Variants in FGF12 observed in about 807,000 individuals in gnomAD.
The protein encoded by FGF12 is fibroblast growth factor 12B.
In FGF12, 14 loss-of-function variants were observed where a neutral mutation model predicts 23.6. That is an observed-to-expected ratio of 0.59 (90% CI 0.39 to 0.93). The LOEUF (loss-of-function observed/expected upper bound fraction) is 0.93. Ranked by LOEUF, FGF12 falls within the 40% of genes least tolerant of loss-of-function variation. The pLI is 0.00. For synonymous variants in FGF12, 62 were observed against 77.3 expected, an observed-to-expected ratio of 0.80 and a Z score of 1.04; for missense variants, 175 against 217.8, an observed-to-expected ratio of 0.80 and a Z score of 1.24.
intron 4 of FGF12, among the ~76,000 whole-genome samples, chr3:192,240,228 A>G (rs1719536955): frequency 6.6e-6 from 1 of 152,188 alleles, no homozygotes; most frequent in African/African-American, 2.4e-5. Context: ...GATAGATCCC[A>G]TATCTAATTA....
intron 2 of FGF12, among the ~76,000 whole-genome samples, chr3:192,550,333 C>T (rs939708362): frequency 1.3e-5 from 2 of 149,640 alleles, no homozygotes; most frequent in African/African-American, 2.4e-5. Context: ...CCTTTCCTTC[C>T]TATATATGTG....
chr3:192,406,385 T>G (rs1720958322), intron 2 of FGF12, among the ~76,000 whole-genome samples: 1 of 152,028 alleles, frequency 6.6e-6, no homozygotes, highest in African/African-American at 2.4e-5. Flanking sequence ...AAGCACGTAC[T>G]TCAGAGATTG....
At chr3:192,688,578 C>A (rs1717841330) in intron 2 of FGF12, among the ~76,000 whole-genome samples, 1 of 152,108 alleles carries the variant, frequency 6.6e-6, no homozygotes, top group Non-Finnish European at 1.5e-5. Flanking sequence ...CTGAATATGC[C>A]CAATCCTGTC....
intron 5 of FGF12, among the ~76,000 whole-genome samples, chr3:192,159,141 A>G (rs541891032): frequency 3.3e-5 from 5 of 152,272 alleles, no homozygotes; most frequent in Non-Finnish European, 7.4e-5. Context: ...GAACTTTAAT[A>G]TTCAATATTA....
At chr3:192,164,541 G>A (rs146366268) in intron 5 of FGF12, among the ~76,000 whole-genome samples, 1 of 152,088 alleles carries the variant, frequency 6.6e-6, no homozygotes, top group Non-Finnish European at 1.5e-5. Flanking sequence ...TTTGGGAATC[G>A]TGACATTCAA....
intron 2 of FGF12, among the ~76,000 whole-genome samples, chr3:192,701,982 A>G (rs1049972057): frequency 2.0e-5 from 3 of 152,134 alleles, no homozygotes; most frequent in Admixed American, 6.5e-5. Flanking sequence ...TTCATCCTAC[A>G]TAACTGAAAC....
chr3:192,646,873 T>C (rs1716025449), intron 2 of FGF12, among the ~76,000 whole-genome samples: 1 of 152,036 alleles, frequency 6.6e-6, no homozygotes, highest in Admixed American at 6.6e-5. Context: ...ATGTAAATTA[T>C]ACATCAATAA....
intron 2 of FGF12, among the ~76,000 whole-genome samples, chr3:192,691,328 T>A (rs1372219913): frequency 6.6e-6 from 1 of 152,072 alleles, no homozygotes; most frequent in African/African-American, 2.4e-5. Flanking sequence ...TGAAATCATA[T>A]TAAGTATCTT....
At chr3:192,163,995 C>A (rs1380709338) in intron 5 of FGF12, among the ~76,000 whole-genome samples, 1 of 152,114 alleles carries the variant, frequency 6.6e-6, no homozygotes, top group Non-Finnish European at 1.5e-5. Flanking sequence ...CTCCAGGTCT[C>A]AGCTCTTGAA....
At chr3:192,297,013 T>C (rs1715077332) in intron 4 of FGF12, among the ~76,000 whole-genome samples, 2 of 152,280 alleles carry the variant, frequency 1.3e-5, no homozygotes, top group East Asian at 1.9e-4. Context: ...CTAAATTGCT[T>C]TGTTCAAGTT....
chr3:192,370,284 A>G (rs1719168572), intron 2 of FGF12, among the ~76,000 whole-genome samples: 1 of 152,194 alleles, frequency 6.6e-6, no homozygotes, highest in Non-Finnish European at 1.5e-5. Context: ...ATATATGTAC[A>G]TGTATAATTT....
chr3:192,315,265 G>T (rs1716170188), intron 4 of FGF12, among the ~76,000 whole-genome samples: 1 of 152,096 alleles, frequency 6.6e-6, no homozygotes, highest in South Asian at 2.1e-4. Context: ...TTTCGTCGTT[G>T]TTGTTGTTGT....
At chr3:192,197,256 A>G (rs1055012113) in intron 4 of FGF12, among the ~76,000 whole-genome samples, 4 of 152,136 alleles carry the variant, frequency 2.6e-5, no homozygotes, top group Non-Finnish European at 5.9e-5. Context: ...ATGAAACTCT[A>G]TAGACAGTTA....
At chr3:192,639,530 C>A (rs1254800037) in intron 2 of FGF12, among the ~76,000 whole-genome samples, 2 of 152,124 alleles carry the variant, frequency 1.3e-5, no homozygotes, top group Admixed American at 1.3e-4. Flanking sequence ...TTCACAATAG[C>A]CAAGATATGG....
intron 2 of FGF12, among the ~76,000 whole-genome samples, chr3:192,545,210 C>T (rs9881870): frequency 0.21 from 32,504 of 152,016 alleles, 3,773 homozygotes; most frequent in Middle Eastern, 0.38. Context: ...AGGTACCAAC[C>T]GAACACTTGC....
chr3:192,675,420 TAA>T (rs770715772), intron 2 of FGF12, among the ~76,000 whole-genome samples: 17 of 152,196 alleles, frequency 1.1e-4, no homozygotes, highest in South Asian at 2.1e-4. Flanking sequence ...TTTTATGATA[TAA>T]GAGGATTATA....
At chr3:192,536,523 A>G (rs1286845600) in intron 2 of FGF12, among the ~76,000 whole-genome samples, 3 of 152,222 alleles carry the variant, frequency 2.0e-5, no homozygotes, top group African/African-American at 7.2e-5. Context: ...TGTATTTTAC[A>G]GGGCAATACA....
intron 2 of FGF12, among the ~76,000 whole-genome samples, chr3:192,708,739 C>G (rs1303649535): frequency 6.6e-6 from 1 of 152,150 alleles, no homozygotes; most frequent in East Asian, 1.9e-4. Context: ...GAAAGAAGGA[C>G]TTCTTACCAG....
At chr3:192,288,433 A>G (rs1441062431) in intron 4 of FGF12, among the ~76,000 whole-genome samples, 1 of 152,076 alleles carries the variant, frequency 6.6e-6, no homozygotes, top group African/African-American at 2.4e-5. Flanking sequence ...CTTCAAAATT[A>G]GATTTATACC....
Sources: allele counts gnomAD v4.1 joint callset (sites outside exome capture counted in the v4.1 genomes callset), GRCh38; gene constraint gnomAD v4.1.1; transcripts MANE v1.5; gene names NCBI Gene and HGNC (gene_info 2026-07-23, HGNC 2026-07-21).